NOVA1: variants seen among roughly 807,000 people sequenced by gnomAD.
NOVA1 encodes NOVA alternative splicing regulator 1.
Under a neutral mutation model 38.0 loss-of-function variants are expected in NOVA1, and 7 were observed. The observed-to-expected ratio is 0.18, with a 90% confidence interval of 0.10 to 0.35. The LOEUF (loss-of-function observed/expected upper bound fraction) is 0.35, where lower values mean the gene tolerates loss of function less well. NOVA1 is among the 10% of genes least tolerant of loss of function. NOVA1 has a pLI of 1.00. For missense variants in NOVA1, 460 were observed against 616.0 expected, an observed-to-expected ratio of 0.75 and a Z score of 2.68; for synonymous variants, 270 against 232.5, an observed-to-expected ratio of 1.16 and a Z score of -1.47.
intron 2 of NOVA1, among the ~76,000 whole-genome samples, chr14:26,573,477 A>G (rs772066303): frequency 2.6e-5 from 4 of 152,172 alleles, no homozygotes; most frequent in Non-Finnish European, 5.9e-5. Flanking sequence ...AACTGAACAT[A>G]TTATAAAGCC....
chr14:26,574,083 T>C (rs1192097451), intron 2 of NOVA1, among the ~76,000 whole-genome samples: 1 of 147,268 alleles, frequency 6.8e-6, no homozygotes, highest in Non-Finnish European at 1.5e-5. Context: ...TGGAGTGCAG[T>C]GGCACAATCT....
At chr14:26,513,752 C>T (rs928896378) in intron 2 of NOVA1, among the ~76,000 whole-genome samples, 14 of 151,306 alleles carry the variant, frequency 9.3e-5, no homozygotes, top group African/African-American at 1.5e-4. Flanking sequence ...TATTCTCAAC[C>T]GAACATTAAT....
At chr14:26,531,154 C>T (rs2138551942) in intron 2 of NOVA1, among the ~76,000 whole-genome samples, 1 of 152,212 alleles carries the variant, frequency 6.6e-6, no homozygotes, top group African/African-American at 2.4e-5. Flanking sequence ...GAAAAAAATC[C>T]ATCTACTCCT....
At chr14:26,487,255 C>G (rs557400010) in intron 2 of NOVA1, among the ~76,000 whole-genome samples, 1 of 152,114 alleles carries the variant, frequency 6.6e-6, no homozygotes, top group Non-Finnish European at 1.5e-5. Flanking sequence ...CTGAAGCTCA[C>G]AACTACAGAC....
chr14:26,498,071 C>T (rs936591272), intron 2 of NOVA1, among the ~76,000 whole-genome samples: 7 of 151,908 alleles, frequency 4.6e-5, no homozygotes, highest in African/African-American at 1.7e-4. Context: ...AAATAAAGTG[C>T]TAATATGGGA....
intron 2 of NOVA1, among the ~76,000 whole-genome samples, chr14:26,580,333 T>G (rs1893131413): frequency 6.6e-6 from 1 of 152,292 alleles, no homozygotes; most frequent in Admixed American, 6.5e-5. Flanking sequence ...TATACAAGGA[T>G]GAAGACAGAG....
At chr14:26,560,200 C>G (rs1199691951) in intron 2 of NOVA1, among the ~76,000 whole-genome samples, 2 of 151,918 alleles carry the variant, frequency 1.3e-5, no homozygotes, top group African/African-American at 2.4e-5. Context: ...TATGATTTGT[C>G]ATATTTAATA....
intron 4 of NOVA1, among the ~76,000 whole-genome samples, chr14:26,460,457 TTC>T (rs1353585602): frequency 6.6e-6 from 1 of 151,968 alleles, no homozygotes; most frequent in Non-Finnish European, 1.5e-5. Context: ...ATTTTTAAAC[TTC>T]TGTTACTTGG....
chr14:26,448,394 G>A lies in NOVA1; in HGVS notation c.1089C>T (p.Ala363=), dbSNP rs1484411644. 5 of 1,613,124 alleles carry A rather than the reference G, an allele frequency of 3.1e-6. No homozygotes were observed. Among genetic ancestry groups the A allele is most frequent in the Non-Finnish European group, 4.2e-6 (5 of 1,179,898 alleles). ...NPAAAAANLL[A]TYASEASASG... ...TGGCTGAGGCTTCACTGGCATAGGT[G>A]GCCAATAAATTGGCTGCTGCTGCTG... The change falls in exon 5 of 5, where the codon GCC becomes GCT. Residue 363 remains alanine, a synonymous_variant. Coordinates refer to ENST00000539517, the MANE Select transcript of NOVA1 (RefSeq NM_002515.3). The surrounding 1 kb of genome is among the most constrained non-coding windows in gnomAD (Gnocchi z 5.3).
In NOVA1 at chr14:26,447,857, ATAT is replaced by A; in HGVS notation, c.*99_*101del. On this transcript the variant is annotated 3_prime_UTR_variant, in exon 5 of 5. Coordinates refer to ENST00000539517, the MANE Select transcript of NOVA1 (RefSeq NM_002515.3). ...TAGTCGCATTCATTTGCATAATTAT[ATAT>A]TAATAACAGAAAAACTTCACTTCTG... 1.3e-6 allele frequency: 1 copy of A among 780,748 alleles called. No homozygotes were observed. The highest frequency in any genetic ancestry group is 2.1e-6 in the Non-Finnish European group (1 of 476,816). 48.4% of individuals were successfully genotyped at this position (780,748 alleles called of 1,614,324 possible). A position where few individuals can be genotyped will look rare whatever the true frequency, so the allele number is the denominator to read the frequency against.
chr14:26,587,533 T>G (rs1893601095), intron 2 of NOVA1, among the ~76,000 whole-genome samples: 1 of 151,016 alleles, frequency 6.6e-6, no homozygotes, highest in African/African-American at 2.4e-5. Flanking sequence ...CACTTAAGAA[T>G]GAAACCAAGT....
chr14:26,461,880 A>G (rs1883706233), intron 4 of NOVA1, among the ~76,000 whole-genome samples: 3 of 151,912 alleles, frequency 2.0e-5, no homozygotes, highest in South Asian at 4.1e-4. Flanking sequence ...TGGGAGGTTC[A>G]GGTGAGCCGA....
intron 2 of NOVA1, among the ~76,000 whole-genome samples, chr14:26,576,347 ATAG>A (rs1308235499): frequency 6.6e-6 from 1 of 151,590 alleles, no homozygotes; most frequent in Non-Finnish European, 1.5e-5. Context: ...ACGCATATAC[ATAG>A]TGAAATGATT....
intron 2 of NOVA1, among the ~76,000 whole-genome samples, chr14:26,492,570 T>C (rs1886425943): frequency 6.6e-6 from 1 of 152,218 alleles, no homozygotes; most frequent in South Asian, 2.1e-4. Flanking sequence ...CTATCATTAA[T>C]ACACTGTGGT....
At chr14:26,532,516 C>A (rs1403157619) in intron 2 of NOVA1, among the ~76,000 whole-genome samples, 1 of 152,036 alleles carries the variant, frequency 6.6e-6, no homozygotes, top group East Asian at 1.9e-4. Context: ...TTGCCTATGG[C>A]AGGAGGGGGT....
At chr14:26,523,683 A>G (rs141514136) in intron 2 of NOVA1, among the ~76,000 whole-genome samples, 1 of 150,740 alleles carries the variant, frequency 6.6e-6, no homozygotes, top group African/African-American at 2.4e-5. Context: ...TGAATTGCAT[A>G]TAATTTTCAC....
Position 26,445,217 on chromosome 14 carries a change from A to G in NOVA1, c.*2742T>C, listed in dbSNP as rs1881979828. 2 of 152,234 alleles carry G rather than the reference A, an allele frequency of 1.3e-5. No homozygotes were observed. The highest frequency in any genetic ancestry group is 2.9e-5 in the Non-Finnish European group (2 of 68,036). The allele number at this position is 152,234 out of a possible 1,614,324, so 9.4% of individuals were successfully genotyped here. A position where few individuals can be genotyped will look rare whatever the true frequency, so the allele number is the denominator to read the frequency against. ...AGTTTTCTCCATTTTGGATCAGTAC[A>G]GCTGAACAGCCATTGTTACATGCCT... is the stretch of plus-strand genomic sequence containing the variant. On this transcript the variant is annotated 3_prime_UTR_variant, in exon 5 of 5. Transcript: ENST00000539517.
chr14:26,477,408 C>G (rs1225294162), intron 3 of NOVA1, among the ~76,000 whole-genome samples: 2 of 151,962 alleles, frequency 1.3e-5, no homozygotes, highest in African/African-American at 2.4e-5. Flanking sequence ...TCCACAAGAT[C>G]TAATATATCA....
chr14:26,473,034 A>G (rs909441944), intron 3 of NOVA1, among the ~76,000 whole-genome samples: 1 of 151,832 alleles, frequency 6.6e-6, no homozygotes, highest in East Asian at 1.9e-4. Flanking sequence ...TAAACAGGTA[A>G]CTAATAGCAT....
Sources: allele counts gnomAD v4.1 joint callset (sites outside exome capture counted in the v4.1 genomes callset), GRCh38; gene constraint gnomAD v4.1.1; non-coding constraint Gnocchi (gnomAD v3.1); transcripts MANE v1.5; gene names NCBI Gene and HGNC (gene_info 2026-07-23, HGNC 2026-07-21).